Variants in ROR2 observed in about 807,000 individuals in gnomAD.
The protein encoded by ROR2 is ROR family WNT receptor 2.
In ROR2, 33 loss-of-function variants were observed where a neutral mutation model predicts 74.9. The observed-to-expected ratio is 0.44, with a 90% confidence interval of 0.33 to 0.59. ROR2 has a LOEUF of 0.59. ROR2 is among the 20% of genes least tolerant of loss of function. The probability of loss-of-function intolerance (pLI) is 0.02; values close to 1 mark genes in which losing one functional copy is unlikely to be tolerated. For missense variants in ROR2, 1,216 were observed against 1,313.8 expected, an observed-to-expected ratio of 0.93 and a Z score of 1.15; for synonymous variants, 586 against 558.7, an observed-to-expected ratio of 1.05 and a Z score of -0.69.
chr9:91,833,288 G>C (rs1454978177), intron 1 of ROR2, among the ~76,000 whole-genome samples: 1 of 152,098 alleles, frequency 6.6e-6, no homozygotes, highest in Non-Finnish European at 1.5e-5. Flanking sequence ...CTGGGCTCCA[G>C]CGTCCTGCTC....
At chr9:91,816,688 A>ACCCCCCCCC (rs571366129) in intron 1 of ROR2, among the ~76,000 whole-genome samples, 1 of 91,284 alleles carries the variant, frequency 1.1e-5, no homozygotes, top group Non-Finnish European at 2.2e-5. Flanking sequence ...CTTGTTTACC[A>ACCCCCCCCC]CCCCCCCACC....
intron 1 of ROR2, among the ~76,000 whole-genome samples, chr9:91,917,799 T>C (rs1020792311): frequency 6.6e-6 from 1 of 152,232 alleles, no homozygotes; most frequent in African/African-American, 2.4e-5. Context: ...GCACTCCTAC[T>C]GGAGGCCACA....
chr9:91,830,859 G>A (rs1828448301), intron 1 of ROR2, among the ~76,000 whole-genome samples: 2 of 133,498 alleles, frequency 1.5e-5, no homozygotes, highest in South Asian at 4.8e-4. Flanking sequence ...TGTGTGTAGA[G>A]AAACTCAAGT....
chr9:91,817,774 T>C (rs1827993841), intron 1 of ROR2, among the ~76,000 whole-genome samples: 1 of 152,034 alleles, frequency 6.6e-6, no homozygotes, highest in African/African-American at 2.4e-5. Flanking sequence ...ACGACAGTGA[T>C]TAAGATTTAC....
rs184212913 is a variant in ROR2, at chr9:91,793,915, G to A, written c.98-18097C>T. Among the ~76,000 whole-genome samples, 7 of 152,314 alleles carry A rather than the reference G, an allele frequency of 4.6e-5. No homozygotes were observed. In the South Asian group the frequency reaches 1.0e-3, roughly 23 times the overall value. On this transcript the variant is annotated intron_variant, in intron 1 of 8. Coordinates refer to ENST00000375708, the MANE Select transcript of ROR2 (RefSeq NM_004560.4). ...CATGACAATGGAAGGGCTGGGAGTC[G>A]GATACCTATAGCCTGGTCCATGGTG...
At chr9:91,792,305 ATT>A (rs1166828840) in intron 1 of ROR2, among the ~76,000 whole-genome samples, 5,233 of 129,676 alleles carry the variant, frequency 0.04, 283 homozygotes, top group African/African-American at 0.15. Flanking sequence ...AGTTGGTTCT[ATT>A]TTTTTTTTTT....
chr9:91,730,746 G>A (rs111956810), intron 7 of ROR2, among the ~76,000 whole-genome samples, 164 bp downstream of exon 7: 2 of 152,060 alleles, frequency 1.3e-5, no homozygotes, highest in East Asian at 1.9e-4. Flanking sequence ...CAGCCACTAC[G>A]CGTGGCCCAA....
At chr9:91,731,722 C>A (rs1289509377) in intron 6 of ROR2, among the ~76,000 whole-genome samples, 1 of 152,154 alleles carries the variant, frequency 6.6e-6, no homozygotes, top group Non-Finnish European at 1.5e-5. Context: ...CAAGACCAGC[C>A]TGGCCAACAT....
intron 1 of ROR2, among the ~76,000 whole-genome samples, chr9:91,781,709 G>A (rs55688613): frequency 1.3e-5 from 2 of 152,162 alleles, no homozygotes; most frequent in African/African-American, 4.8e-5. Flanking sequence ...CTAACTTTGA[G>A]TTGAGTAAAT....
chr9:91,911,853 G>A (rs1236835591), intron 1 of ROR2, among the ~76,000 whole-genome samples: 2 of 140,164 alleles, frequency 1.4e-5, no homozygotes, highest in East Asian at 4.4e-4. Context: ...AAAAGGAACA[G>A]AGAAATTCAC....
chr9:91,820,617 G>A (rs962356890), intron 1 of ROR2, among the ~76,000 whole-genome samples: 1 of 152,118 alleles, frequency 6.6e-6, no homozygotes, highest in African/African-American at 2.4e-5. Flanking sequence ...CACAGTCAGT[G>A]GGTTATTACA....
intron 1 of ROR2, among the ~76,000 whole-genome samples, chr9:91,785,267 C>T (rs965962558): frequency 6.6e-6 from 1 of 152,228 alleles, no homozygotes; most frequent in Non-Finnish European, 1.5e-5. Flanking sequence ...TTCAGGGTCC[C>T]TGTGCATATG....
Position 91,767,079 on chromosome 9 carries a change from G to GA in ROR2, c.175+8661_175+8662insT, listed in dbSNP as rs754818380. Among the ~76,000 whole-genome samples the GA allele has an allele frequency of 2.1e-3, 301 of 142,712 alleles. 1 individual carries two copies. Among genetic ancestry groups the GA allele is most frequent in the African/African-American group, 7.9e-3 (264 of 33,568 alleles). 93.6% of individuals were successfully genotyped at this position (142,712 alleles called of 152,430 possible). A position where few individuals can be genotyped will look rare whatever the true frequency, so the allele number is the denominator to read the frequency against. Reference sequence around the variant, plus strand: ...AGTCAGAGTCAGATCAATGACTTACGGTTTTTTTTTTTTTGAGGCGGAGGC... The same window carrying GA: ...AGTCAGAGTCAGATCAATGACTTACGAGTTTTTTTTTTTTTGAGGCGGAGGC... On this transcript the variant is annotated intron_variant, in intron 2 of 8. Transcript: ENST00000375708.
chr9:91,870,289 A>G (rs1225460220), intron 1 of ROR2, among the ~76,000 whole-genome samples: 1 of 152,216 alleles, frequency 6.6e-6, no homozygotes, highest in Non-Finnish European at 1.5e-5. Flanking sequence ...CCAACTGTCC[A>G]AAGACTAGAA....
intron 1 of ROR2, among the ~76,000 whole-genome samples, chr9:91,919,095 TC>T (rs1831207814): frequency 6.6e-6 from 1 of 152,190 alleles, no homozygotes. Flanking sequence ...TAGTCCAGCT[TC>T]CCAGGTAGAT....
At chr9:91,943,157 C>T (rs781098214) in intron 1 of ROR2, among the ~76,000 whole-genome samples, 1 of 152,120 alleles carries the variant, frequency 6.6e-6, no homozygotes, top group African/African-American at 2.4e-5. Flanking sequence ...TTTCACCACT[C>T]ACTTGCGTTC....
chr9:91,866,874 C>T (rs1345326961), intron 1 of ROR2, among the ~76,000 whole-genome samples: 1 of 152,052 alleles, frequency 6.6e-6, no homozygotes, highest in African/African-American at 2.4e-5. Flanking sequence ...TTTAATAACC[C>T]AATTTTGGGG....
chr9:91,927,046 A>T (rs906839810), intron 1 of ROR2, among the ~76,000 whole-genome samples: 13 of 148,746 alleles, frequency 8.7e-5, no homozygotes, highest in African/African-American at 3.2e-4. Flanking sequence ...AAAGAAAAAA[A>T]TAACACGTTT....
chr9:91,774,052 T>C (rs1380317000), intron 2 of ROR2, among the ~76,000 whole-genome samples: 1 of 152,238 alleles, frequency 6.6e-6, no homozygotes, highest in Non-Finnish European at 1.5e-5. Context: ...AATCAGTAAG[T>C]ATCTGTGGTC....
Sources: allele counts gnomAD v4.1 joint callset (sites outside exome capture counted in the v4.1 genomes callset), GRCh38; gene constraint gnomAD v4.1.1; transcripts MANE v1.5; gene names NCBI Gene and HGNC (gene_info 2026-07-23, HGNC 2026-07-21).